Variants in MYO10 observed in about 807,000 individuals in gnomAD.
MYO10 encodes the protein myosin X, also known as unconventional myosin-X.
A neutral mutation model predicts 257.3 loss-of-function variants in MYO10; 133 were observed. The ratio of observed to expected loss-of-function variants is 0.52; its 90% CI spans 0.45 to 0.60. The LOEUF (loss-of-function observed/expected upper bound fraction) is 0.60. Ranked by LOEUF, MYO10 falls within the 20% of genes least tolerant of loss-of-function variation. The pLI, the probability that MYO10 is intolerant of heterozygous loss-of-function variation, is 0.00. For synonymous variants in MYO10, 1,104 were observed against 1,028.6 expected (o/e 1.07, Z -1.40); for missense variants, 2,399 against 2,635.7 (o/e 0.91, Z 1.97).
chr5:16,761,638 A>C, intron 16 of MYO10, 92 bp from the exon 17 acceptor site: 1 of 913,440 alleles, frequency 1.1e-6, no homozygotes, highest in Non-Finnish European at 1.7e-6. Flanking sequence ...AAAAGAAATC[A>C]TTCCAAGAAA....
chr5:16,741,113 C>A (rs538096114), intron 19 of MYO10, among the ~76,000 whole-genome samples: 51 of 152,232 alleles, frequency 3.4e-4, no homozygotes, highest in Middle Eastern at 3.4e-3. Context: ...ATTCCTCCAT[C>A]GGGGGGAGGC....
chr5:16,780,699 A>C, intron 7 of MYO10, 29 bp downstream of exon 7: 1 of 1,559,748 alleles, frequency 6.4e-7, no homozygotes, highest in Non-Finnish European at 8.7e-7. Flanking sequence ...ATTATGGAAG[A>C]AAATGTGGAT....
At chr5:16,716,294 T>C (rs1444299335) in intron 19 of MYO10, among the ~76,000 whole-genome samples, 1 of 151,990 alleles carries the variant, frequency 6.6e-6, no homozygotes, top group African/African-American at 2.4e-5. Context: ...CAGGGCACAC[T>C]AAACCCTCTA....
At chr5:16,691,751 C>A (rs1352335419) in intron 27 of MYO10, among the ~76,000 whole-genome samples, 1 of 150,344 alleles carries the variant, frequency 6.7e-6, no homozygotes, top group Non-Finnish European at 1.5e-5. Context: ...CACAAGAGGA[C>A]AACCAGCTAC....
intron 2 of MYO10, among the ~76,000 whole-genome samples, chr5:16,840,230 T>C (rs1580060261): frequency 6.6e-6 from 1 of 152,100 alleles, no homozygotes; most frequent in Admixed American, 6.5e-5. Flanking sequence ...CTGAACAACA[T>C]GGTGAAAACT....
At chr5:16,912,969 C>T (rs952666292) in intron 1 of MYO10, among the ~76,000 whole-genome samples, 2 of 131,148 alleles carry the variant, frequency 1.5e-5, no homozygotes, top group Non-Finnish European at 3.1e-5. Flanking sequence ...CACCAGAACG[C>T]AAGGATATTG....
intron 9 of MYO10, among the ~76,000 whole-genome samples, chr5:16,772,562 A>T (rs543184454): frequency 6.6e-6 from 1 of 152,356 alleles, no homozygotes; most frequent in South Asian, 2.1e-4. Context: ...TCTGGGAAGA[A>T]AATTTACAAA....
intron 9 of MYO10, among the ~76,000 whole-genome samples, chr5:16,772,518 G>T (rs1167203570): frequency 1.3e-5 from 2 of 152,152 alleles, no homozygotes; most frequent in Non-Finnish European, 2.9e-5. Flanking sequence ...AAGCAAAAAA[G>T]CTATTTTGTA....
At chr5:16,734,586 A>C (rs1314114839) in intron 19 of MYO10, among the ~76,000 whole-genome samples, 1 of 152,056 alleles carries the variant, frequency 6.6e-6, no homozygotes, top group Non-Finnish European at 1.5e-5. Context: ...GGGCGGATCA[A>C]CTGAGGTCAG....
intron 2 of MYO10, among the ~76,000 whole-genome samples, chr5:16,847,629 C>T (rs982225092): frequency 6.6e-6 from 1 of 152,052 alleles, no homozygotes; most frequent in Non-Finnish European, 1.5e-5. Context: ...TCTTGGGAGG[C>T]TGAGGTGGGA....
intron 2 of MYO10, among the ~76,000 whole-genome samples, chr5:16,865,055 T>C (rs528731886): frequency 7.8e-4 from 119 of 151,900 alleles, no homozygotes; most frequent in African/African-American, 2.7e-3. Flanking sequence ...GCACAGAGAA[T>C]TGAAGAGCTT....
rs77700199 is a variant in MYO10, at chr5:16,853,010, C to G, written c.120+24599G>C. 7.1e-3 allele frequency among the ~76,000 whole-genome samples: 1,086 copies of G among 152,234 alleles called. 11 individuals are homozygous for G. The highest frequency in any genetic ancestry group is 0.02 in the Middle Eastern group (6 of 294). ...AATGGGAATGGTTCTCACCCTAGAGCTGACATAAGCCAATATTAGTCACTA... is the reference window on the plus strand; with the variant it reads ...AATGGGAATGGTTCTCACCCTAGAGGTGACATAAGCCAATATTAGTCACTA... On this transcript the variant is annotated intron_variant, in intron 2 of 40. Transcript: ENST00000513610.
At chr5:16,718,719 C>A (rs1231194340) in intron 19 of MYO10, among the ~76,000 whole-genome samples, 1 of 150,330 alleles carries the variant, frequency 6.7e-6, no homozygotes, top group Non-Finnish European at 1.5e-5. Context: ...ACGTGGAGAA[C>A]CTTTATGTCT....
chr5:16,672,104 GAC>G (rs1736493642), intron 37 of MYO10, among the ~76,000 whole-genome samples: 1 of 152,154 alleles, frequency 6.6e-6, no homozygotes, highest in South Asian at 2.1e-4. Flanking sequence ...GGACTAGCCT[GAC>G]CAACATGGCC....
chr5:16,764,469 C>T (rs1740807982), intron 11 of MYO10, 73 bp from the exon 12 acceptor site: 2 of 1,551,144 alleles, frequency 1.3e-6, no homozygotes, highest in East Asian at 2.3e-5. Context: ...CCATTCCCCA[C>T]TTGAGAGACA....
At chr5:16,766,038 G>A (rs1389994669) in intron 11 of MYO10, 42 bp downstream of exon 11, 20 of 1,420,570 alleles carry the variant, frequency 1.4e-5, no homozygotes, top group Non-Finnish European at 2.0e-5. Flanking sequence ...GAAAACCCAG[G>A]AGTGTCTAGT....
intron 1 of MYO10, among the ~76,000 whole-genome samples, chr5:16,913,884 A>G (rs190432317): frequency 8.9e-4 from 135 of 152,220 alleles, no homozygotes; most frequent in Middle Eastern, 6.8e-3. Flanking sequence ...AAAAGACAAG[A>G]AGGAGAGGGA....
At chr5:16,748,988 G>C (rs572661134) in intron 19 of MYO10, among the ~76,000 whole-genome samples, 1 of 152,032 alleles carries the variant, frequency 6.6e-6, no homozygotes, top group African/African-American at 2.4e-5. Flanking sequence ...CTTGTGTCTC[G>C]GGGTAGAGAC....
chr5:16,695,072 G>A (rs1323651732), intron 26 of MYO10, among the ~76,000 whole-genome samples: 3 of 152,212 alleles, frequency 2.0e-5, no homozygotes, highest in African/African-American at 7.2e-5. Context: ...GGTGGCTCAT[G>A]CCTGTAATCC....
Sources: allele counts gnomAD v4.1 joint callset (sites outside exome capture counted in the v4.1 genomes callset), GRCh38; gene constraint gnomAD v4.1.1; transcripts MANE v1.5; gene names NCBI Gene and HGNC (gene_info 2026-07-23, HGNC 2026-07-21).